Variants in TRPM3 observed in about 807,000 individuals in gnomAD.
The protein encoded by TRPM3 is long transient receptor potential channel 3.
In TRPM3, 77 loss-of-function variants were observed where a neutral mutation model predicts 181.2. The ratio of observed to expected loss-of-function variants is 0.42; its 90% confidence interval spans 0.35 to 0.51. The LOEUF is 0.51. Ranked by LOEUF, TRPM3 falls within the 20% of genes least tolerant of loss-of-function variation. TRPM3 has a pLI of 0.01. For synonymous variants in TRPM3, 745 were observed against 796.4 expected (o/e 0.94, Z 1.09); for missense variants, 1,759 against 2,196.7 (o/e 0.80, Z 3.98).
At chr9:70,644,936 C>T (rs2058605122) in intron 9 of TRPM3, among the ~76,000 whole-genome samples, 1 of 152,184 alleles carries the variant, frequency 6.6e-6, no homozygotes, top group South Asian at 2.1e-4. Context: ...AAAGCCAAAT[C>T]ATGAGTGAAC....
intron 22 of TRPM3, among the ~76,000 whole-genome samples, chr9:70,565,859 G>A (rs1237899320): frequency 6.6e-6 from 1 of 152,148 alleles, no homozygotes; most frequent in Non-Finnish European, 1.5e-5. Context: ...CCTTTGATGT[G>A]TCTGAGCCTC....
At chr9:71,056,411 T>C (rs2060659551) in intron 1 of TRPM3, among the ~76,000 whole-genome samples, 1 of 150,194 alleles carries the variant, frequency 6.7e-6, no homozygotes, top group Non-Finnish European at 1.5e-5. Context: ...ACACTCTTCA[T>C]AAATATAAAG....
At chr9:71,034,119 C>T (rs2057881369) in intron 1 of TRPM3, among the ~76,000 whole-genome samples, 1 of 152,168 alleles carries the variant, frequency 6.6e-6, no homozygotes, top group Non-Finnish European at 1.5e-5. Flanking sequence ...AATGTTACAA[C>T]AAATCGACAT....
chr9:70,971,163 C>T (rs1022139677), intron 1 of TRPM3, among the ~76,000 whole-genome samples: 32 of 151,910 alleles, frequency 2.1e-4, no homozygotes, highest in Admixed American at 3.3e-4. Context: ...TATAAAATGC[C>T]GACTGTAAAG....
At chr9:70,794,357 G>A (rs933822322) in intron 6 of TRPM3, among the ~76,000 whole-genome samples, 3 of 152,184 alleles carry the variant, frequency 2.0e-5, no homozygotes, top group African/African-American at 7.2e-5. Flanking sequence ...AGGGCAGAGA[G>A]AGCAATCACT....
At chr9:70,804,624 T>C (rs2090190110) in intron 6 of TRPM3, among the ~76,000 whole-genome samples, 1 of 152,124 alleles carries the variant, frequency 6.6e-6, no homozygotes, top group East Asian at 1.9e-4. Flanking sequence ...TCTTTGCTAT[T>C]TCCTCCTTAC....
intron 1 of TRPM3, among the ~76,000 whole-genome samples, chr9:71,042,286 C>T (rs2058916935): frequency 6.6e-6 from 1 of 152,152 alleles, no homozygotes; most frequent in Non-Finnish European, 1.5e-5. Context: ...TGAGCCTCTG[C>T]TGTGCTAATT....
chr9:71,383,750 A>C (rs1190835163), intron 1 of TRPM3, among the ~76,000 whole-genome samples: 1 of 152,188 alleles, frequency 6.6e-6, no homozygotes, highest in East Asian at 1.9e-4. Flanking sequence ...GCAGGTCTCA[A>C]ACATGATTAC....
At chr9:70,659,691 T>C (rs4745022) in intron 9 of TRPM3, among the ~76,000 whole-genome samples, 58,379 of 151,982 alleles carry the variant, frequency 0.38, 11,701 homozygotes, top group African/African-American at 0.49. Flanking sequence ...TATTATTTTC[T>C]ACAATTTGGA....
chr9:70,758,168 C>T (rs1229390488), intron 8 of TRPM3, among the ~76,000 whole-genome samples: 1 of 152,182 alleles, frequency 6.6e-6, no homozygotes, highest in African/African-American at 2.4e-5. Context: ...AAATCACAAG[C>T]ATCCCTATAT....
intron 1 of TRPM3, among the ~76,000 whole-genome samples, chr9:71,371,120 C>G (rs1370609356): frequency 6.6e-6 from 1 of 152,074 alleles, no homozygotes. Context: ...CACCTGGTCA[C>G]TCAAGAGCTC....
chr9:71,296,092 C>A (rs2086237169), intron 1 of TRPM3, among the ~76,000 whole-genome samples: 2 of 152,116 alleles, frequency 1.3e-5, no homozygotes, highest in African/African-American at 2.4e-5. Flanking sequence ...AGTATAGATG[C>A]TCAACAGCTT....
intron 9 of TRPM3, among the ~76,000 whole-genome samples, chr9:70,648,031 A>C (rs1295543351): frequency 1.3e-5 from 2 of 152,228 alleles, no homozygotes; most frequent in Non-Finnish European, 2.9e-5. Flanking sequence ...AACACTGTTG[A>C]AAGTAATCAG....
At position 70,616,001 on chromosome 9, in the gene TRPM3, C is replaced by T. The variant is rs35073108; in HGVS notation, c.2433G>A (p.Met811Ile). The T allele has an allele frequency of 1.9e-6, 3 of 1,612,646 alleles. No homozygotes were observed. The highest frequency in any genetic ancestry group is 2.2e-5 in the South Asian group (2 of 90,804). ...EFKNKDDMPYMSQAQEIHLQE... is the reference protein window; with the variant it reads ...EFKNKDDMPYISQAQEIHLQE... ...GGAGGTGGATTTCCTGGGCCTGAGA[C>T]ATATAGGGCATGTCGTCTTTGTTCT... The change falls in exon 18 of 26, where the codon ATG (methionine) becomes ATA (isoleucine). Residue 811 changes from methionine to isoleucine, a missense_variant. By Grantham distance (10) the Met-to-Ile change is conservative. This residue lies in a region of TRPM3 where 114 missense variants were observed against 134.8 expected (regional missense o/e 0.85). Transcript: ENST00000677713.
chr9:71,095,584 C>T (rs2067005165), intron 1 of TRPM3, among the ~76,000 whole-genome samples: 1 of 151,838 alleles, frequency 6.6e-6, no homozygotes, highest in Non-Finnish European at 1.5e-5. Flanking sequence ...CATAGCAAAA[C>T]CTCGTCCCTA....
intron 7 of TRPM3, among the ~76,000 whole-genome samples, chr9:70,780,507 C>T (rs2082231959): frequency 6.6e-6 from 1 of 151,024 alleles, no homozygotes; most frequent in Admixed American, 6.6e-5. Flanking sequence ...GAAATCCTTC[C>T]TGGTGAATAA....
intron 4 of TRPM3, 27 bp downstream of exon 4, chr9:70,846,351 G>T: frequency 1.3e-6 from 2 of 1,597,340 alleles, no homozygotes; most frequent in South Asian, 1.1e-5. Flanking sequence ...GGCCTATGTT[G>T]ACTTTCTCTG....
At chr9:71,418,759 C>A (rs2093676542) in intron 1 of TRPM3, among the ~76,000 whole-genome samples, 1 of 145,884 alleles carries the variant, frequency 6.9e-6, no homozygotes, top group South Asian at 2.1e-4. Flanking sequence ...CTTTGAGATA[C>A]TATATATATA....
intron 1 of TRPM3, among the ~76,000 whole-genome samples, chr9:71,267,947 T>A (rs2083502287): frequency 1.3e-5 from 2 of 152,200 alleles, no homozygotes; most frequent in Admixed American, 6.5e-5. Context: ...GTATTTAAAA[T>A]CTCTTGAGAT....
Sources: gnomAD v4.1 joint callset for allele counts (sites outside exome capture counted in the v4.1 genomes callset) on GRCh38, gnomAD v4.1.1 for gene constraint, gnomAD v4.1.1 regional missense constraint, MANE v1.5 for transcripts, NCBI Gene and HGNC (gene_info 2026-07-23, HGNC 2026-07-21) for gene names.